The following GPHN variants were observed in gnomAD, a reference collection of about 807,000 sequenced individuals.
GPHN encodes gephyrin.
In GPHN, 17 loss-of-function variants were observed where a neutral mutation model predicts 95.5. The observed-to-expected ratio is 0.18, with a 90% confidence interval of 0.12 to 0.27. The LOEUF (loss-of-function observed/expected upper bound fraction) is 0.27, where lower values mean the gene tolerates loss of function less well. Among genes scored for constraint, GPHN ranks in the 10% least tolerant of loss-of-function variants. GPHN has a pLI of 1.00. For missense variants in GPHN, 660 were observed against 978.1 expected (o/e 0.67, Z 4.34); for synonymous variants, 320 against 322.5 (o/e 0.99, Z 0.08).
At chr14:67,373,842 AGTGTGTGT>A in the GPHN span, among the ~76,000 whole-genome samples, 1,763 of 145,788 alleles carry the variant, frequency 0.012, 13 homozygotes, top group Non-Finnish European at 0.018. Flanking sequence ...TAATTTGTTC[AGTGTGTGT>A]GTGTGTGTGT....
At chr14:67,250,987 C>T in the GPHN span, among the ~76,000 whole-genome samples, 1 of 152,178 alleles carries the variant, frequency 6.6e-6, no homozygotes, top group African/African-American at 2.4e-5. Flanking sequence ...TTAACAACTA[C>T]ATTTCAAGTT....
chr14:67,060,901 A>G (rs79080867), intron 11 of GPHN, among the ~76,000 whole-genome samples: 2,970 of 152,354 alleles, frequency 0.019, 37 homozygotes, highest in Middle Eastern at 0.037. Flanking sequence ...TTCTAAATGT[A>G]TTATGTATCT....
At chr14:66,735,749 A>G (rs1441794950) in intron 2 of GPHN, among the ~76,000 whole-genome samples, 2 of 152,102 alleles carry the variant, frequency 1.3e-5, no homozygotes, top group East Asian at 1.9e-4. Flanking sequence ...TGTTAATAGC[A>G]TCTTTCTGGA....
chr14:66,631,242 T>C (rs2063794049), intron 1 of GPHN, among the ~76,000 whole-genome samples: 1 of 152,000 alleles, frequency 6.6e-6, no homozygotes, highest in African/African-American at 2.4e-5. Context: ...AGAGACGAGG[T>C]TTCACCATGT....
chr14:67,600,283 C>A, the GPHN span: 1 of 1,259,496 alleles, frequency 7.9e-7, no homozygotes, highest in Non-Finnish European at 1.1e-6. Context: ...GCTCCAGACC[C>A]GCTTCCGGCA....
At chr14:67,735,154 C>A in the GPHN span, 2 of 931,076 alleles carry the variant, frequency 2.1e-6, no homozygotes, top group Non-Finnish European at 3.6e-6. Flanking sequence ...ATGTTGTTGG[C>A]ATTTTCAGAA....
At chr14:67,382,904 C>T in the GPHN span, among the ~76,000 whole-genome samples, 38 of 140,450 alleles carry the variant, frequency 2.7e-4, no homozygotes, top group African/African-American at 1.1e-3. Context: ...TACGTGCGTG[C>T]GTGCGTGTGT....
At chr14:67,637,976 T>C in the GPHN span, among the ~76,000 whole-genome samples, 2 of 152,132 alleles carry the variant, frequency 1.3e-5, no homozygotes, top group African/African-American at 4.8e-5. Context: ...AATGCTTTCT[T>C]CCTCTCCCGC....
the GPHN span, among the ~76,000 whole-genome samples, chr14:67,285,828 C>G: frequency 6.6e-6 from 1 of 152,074 alleles, no homozygotes; most frequent in Non-Finnish European, 1.5e-5. Flanking sequence ...TTTAGACTGA[C>G]AGGAGAGGGC....
chr14:67,086,313 G>A (rs1056759348), intron 11 of GPHN, among the ~76,000 whole-genome samples: 2 of 152,210 alleles, frequency 1.3e-5, no homozygotes, highest in Non-Finnish European at 2.9e-5. Context: ...GCAGTGGGTA[G>A]AGGGAACATG....
At chr14:66,997,385 AAAG>A (rs1225896010) in intron 9 of GPHN, among the ~76,000 whole-genome samples, 7 of 150,320 alleles carry the variant, frequency 4.7e-5, no homozygotes, top group Non-Finnish European at 8.9e-5. Context: ...AAAAAAAAAA[AAAG>A]GACTTCAGTA....
intron 10 of GPHN, among the ~76,000 whole-genome samples, chr14:67,033,912 C>T (rs966413361): frequency 3.3e-5 from 5 of 152,140 alleles, no homozygotes; most frequent in African/African-American, 4.8e-5. Flanking sequence ...GGGAGCAGTA[C>T]GTTATATTCA....
chr14:67,471,956 AGT>A, the GPHN span: 1 of 152,290 alleles, frequency 6.6e-6, no homozygotes, highest in Non-Finnish European at 1.5e-5. Context: ...CCCCTTGAGG[AGT>A]GAGAGTCAGA....
At position 66,992,807 on chromosome 14, in the gene GPHN, C is replaced by A. The variant is rs149289275; in HGVS notation, c.963+27482C>A. The stretch of plus-strand genomic sequence containing the variant: ...ACATAAAAAGAAGAACATTTTATGG[C>A]ATGTGAAAATTATATGAGATTCAAA... On this transcript the variant is annotated intron_variant, in intron 9 of 22. Coordinates refer to ENST00000478722, the MANE Select transcript of GPHN (RefSeq NM_020806.5). Among the ~76,000 whole-genome samples the A allele has an allele frequency of 2.1e-3, 314 of 152,150 alleles. 1 individual carries two copies. The highest frequency in any genetic ancestry group is 2.9e-3 in the Non-Finnish European group (196 of 67,964).
At chr14:67,139,377 G>C (rs1441481274) in intron 17 of GPHN, among the ~76,000 whole-genome samples, 1 of 152,054 alleles carries the variant, frequency 6.6e-6, no homozygotes, top group East Asian at 1.9e-4. Context: ...TGAGACTACA[G>C]GTGTGCCACC....
chr14:66,849,957 A>G (rs1463274830), intron 4 of GPHN, among the ~76,000 whole-genome samples: 2 of 152,292 alleles, frequency 1.3e-5, no homozygotes, highest in Middle Eastern at 3.4e-3. Context: ...GCCAAAAATT[A>G]TATCCTGAAT....
chr14:67,692,678 TA>T, the GPHN span: 3 of 1,461,830 alleles, frequency 2.1e-6, no homozygotes, highest in Non-Finnish European at 1.8e-6. Context: ...AACATTTTTT[TA>T]AAAAACACAC....
intron 2 of GPHN, among the ~76,000 whole-genome samples, chr14:66,764,032 C>T (rs2058864113): frequency 6.6e-6 from 1 of 152,094 alleles, no homozygotes; most frequent in African/African-American, 2.4e-5. Context: ...CTCAGGGTTC[C>T]CACTGATTTT....
At chr14:67,517,151 C>A in the GPHN span, among the ~76,000 whole-genome samples, 1 of 151,968 alleles carries the variant, frequency 6.6e-6, no homozygotes, top group African/African-American at 2.4e-5. Flanking sequence ...CAGGGACACG[C>A]TGGCAAGAAG....
Sources: gnomAD v4.1 joint callset for allele counts (sites outside exome capture counted in the v4.1 genomes callset) on GRCh38, gnomAD v4.1.1 for gene constraint, MANE v1.5 for transcripts, NCBI Gene and HGNC (gene_info 2026-07-23, HGNC 2026-07-21) for gene names.